The following HPSE2 variants were observed in gnomAD, a reference collection of about 807,000 sequenced individuals.
HPSE2 encodes the protein heparanase 2 (inactive).
HPSE2 carries 38 observed loss-of-function variants against 60.5 expected under a neutral mutation model. The ratio of observed to expected loss-of-function variants is 0.63; its 90% confidence interval spans 0.48 to 0.82. The LOEUF (loss-of-function observed/expected upper bound fraction) is 0.82, where lower values mean the gene tolerates loss of function less well. Among genes scored for constraint, HPSE2 ranks in the 40% least tolerant of loss-of-function variants. The probability of loss-of-function intolerance (pLI) is 0.00; values close to 1 mark genes in which losing one functional copy is unlikely to be tolerated. For missense variants in HPSE2, 713 were observed against 740.4 expected, an observed-to-expected ratio of 0.96 and a Z score of 0.43; for synonymous variants, 295 against 293.2, an observed-to-expected ratio of 1.01 and a Z score of -0.06.
At chr10:99,272,097 C>G in the HPSE2 span, among the ~76,000 whole-genome samples, 3 of 152,040 alleles carry the variant, frequency 2.0e-5, no homozygotes, top group Non-Finnish European at 4.4e-5. Flanking sequence ...ATGGTGAAAC[C>G]CCGTCTCTAC....
At chr10:99,272,785 A>G in the HPSE2 span, among the ~76,000 whole-genome samples, 1 of 152,186 alleles carries the variant, frequency 6.6e-6, no homozygotes, top group Non-Finnish European at 1.5e-5. Context: ...AGATGTTGGC[A>G]TGGATGTGGT....
chr10:99,151,928 C>T (rs909199784), intron 2 of HPSE2, among the ~76,000 whole-genome samples: 1 of 151,670 alleles, frequency 6.6e-6, no homozygotes, highest in African/African-American at 2.4e-5. Context: ...AAATAAATAG[C>T]GCTAAAAGAA....
chr10:99,150,475 T>C (rs1318438504), intron 2 of HPSE2, among the ~76,000 whole-genome samples: 4 of 152,082 alleles, frequency 2.6e-5, no homozygotes, highest in African/African-American at 9.7e-5. Flanking sequence ...CACACCACCA[T>C]ACCTGGCTAA....
At chr10:98,461,830 C>CA in intron 11 of HPSE2, 1 of 1,585,482 alleles carries the variant, frequency 6.3e-7, no homozygotes, top group Non-Finnish European at 8.6e-7. Flanking sequence ...CTGGGGAGTG[C>CA]AAAACAACGT....
chr10:98,561,189 C>G, intron 9 of HPSE2, among the ~76,000 whole-genome samples: 1 of 143,306 alleles, frequency 7.0e-6, no homozygotes, highest in Admixed American at 7.2e-5. Flanking sequence ...TTTTTTGACA[C>G]AGAGTCTTGC....
At chr10:99,295,834 G>A in the HPSE2 span, among the ~76,000 whole-genome samples, 1 of 152,262 alleles carries the variant, frequency 6.6e-6, no homozygotes, top group East Asian at 1.9e-4. Context: ...TACAATCACT[G>A]CAAAGATCAA....
intron 3 of HPSE2, among the ~76,000 whole-genome samples, chr10:98,831,182 C>A (rs578053062): frequency 6.6e-6 from 1 of 152,246 alleles, no homozygotes; most frequent in East Asian, 1.9e-4. Context: ...GCCAATCAGA[C>A]CAACTTTTTT....
intron 9 of HPSE2, among the ~76,000 whole-genome samples, chr10:98,544,117 T>G (rs1234170678): frequency 6.6e-6 from 1 of 151,808 alleles, no homozygotes; most frequent in Non-Finnish European, 1.5e-5. Flanking sequence ...GAATAGAAAT[T>G]TTAACAAACT....
At chr10:98,817,341 G>T (rs1156472655) in intron 3 of HPSE2, among the ~76,000 whole-genome samples, 2 of 152,102 alleles carry the variant, frequency 1.3e-5, no homozygotes, top group Non-Finnish European at 2.9e-5. Context: ...TGGAACAGTT[G>T]ACTTTCTAAA....
At chr10:98,717,386 GCTAA>G (rs1404292733) in intron 5 of HPSE2, among the ~76,000 whole-genome samples, 1 of 151,936 alleles carries the variant, frequency 6.6e-6, no homozygotes, top group Admixed American at 6.6e-5. Context: ...TCACACCTTG[GCTAA>G]CTGTTTGGCA....
At chr10:99,107,144 T>G (rs1368405717) in intron 3 of HPSE2, among the ~76,000 whole-genome samples, 1 of 152,206 alleles carries the variant, frequency 6.6e-6, no homozygotes, top group African/African-American at 2.4e-5. Flanking sequence ...GTGCTGGGAT[T>G]ACAGGTGTGA....
At chr10:98,953,458 A>G (rs375908134) in intron 3 of HPSE2, among the ~76,000 whole-genome samples, 15 of 152,150 alleles carry the variant, frequency 9.9e-5, no homozygotes, top group African/African-American at 3.4e-4. Flanking sequence ...ATCTCACCAC[A>G]TCAAACTCTG....
chr10:98,957,806 C>T (rs1955548212), intron 3 of HPSE2, among the ~76,000 whole-genome samples: 1 of 152,066 alleles, frequency 6.6e-6, no homozygotes, highest in Admixed American at 6.6e-5. Flanking sequence ...TCTTAAATTC[C>T]CTCAAAATAA....
At chr10:99,241,628 C>A in the HPSE2 span, among the ~76,000 whole-genome samples, 1 of 152,100 alleles carries the variant, frequency 6.6e-6, no homozygotes, top group Non-Finnish European at 1.5e-5. Context: ...TATGGTGGCA[C>A]ATGCCTGTAG....
At chr10:99,115,155 GT>G (rs577271484) in intron 3 of HPSE2, among the ~76,000 whole-genome samples, 54 of 130,672 alleles carry the variant, frequency 4.1e-4, no homozygotes, top group Middle Eastern at 4.2e-3. Flanking sequence ...AGCTAAATGT[GT>G]TTTTTTTTTT....
intron 6 of HPSE2, among the ~76,000 whole-genome samples, chr10:98,688,222 T>C (rs1176986025): frequency 6.6e-6 from 1 of 152,102 alleles, no homozygotes; most frequent in Non-Finnish European, 1.5e-5. Context: ...ATTTACTGAC[T>C]CCTCTTTTTC....
intron 10 of HPSE2, among the ~76,000 whole-genome samples, chr10:98,489,847 C>G (rs986674877): frequency 6.6e-6 from 1 of 152,188 alleles, no homozygotes; most frequent in African/African-American, 2.4e-5. Flanking sequence ...GATTAATCCT[C>G]TAAGTATGAG....
chr10:98,835,079 A>T (rs1026119702), intron 3 of HPSE2, among the ~76,000 whole-genome samples: 2 of 152,130 alleles, frequency 1.3e-5, no homozygotes, highest in Non-Finnish European at 2.9e-5. Flanking sequence ...GTCTTGAAGA[A>T]ATAAAAGAGG....
At chr10:98,512,812 A>ACCACACACACACACACACAC (rs375085018) in intron 9 of HPSE2, among the ~76,000 whole-genome samples, 1 of 124,546 alleles carries the variant, frequency 8.0e-6, no homozygotes, top group African/African-American at 2.9e-5. Flanking sequence ...CCCACCCCCC[A>ACCACACACACACACACACAC]ACACACACAC....
Sources: allele counts gnomAD v4.1 joint callset (sites outside exome capture counted in the v4.1 genomes callset), GRCh38; gene constraint gnomAD v4.1.1; transcripts MANE v1.5; gene names NCBI Gene and HGNC (gene_info 2026-07-23, HGNC 2026-07-21).